Variants in TENM3 observed in about 807,000 individuals in gnomAD.
TENM3 encodes the protein teneurin transmembrane protein 3, also known as teneurin-3.
Under a neutral mutation model 255.1 loss-of-function variants are expected in TENM3, and 63 were observed. The ratio of observed to expected loss-of-function variants is 0.25; its 90% CI spans 0.20 to 0.30. The LOEUF is 0.30. TENM3 is among the 10% of genes least tolerant of loss of function. The pLI is 1.00. For missense variants in TENM3, 2,929 were observed against 3,461.1 expected, an observed-to-expected ratio of 0.85 and a Z score of 3.86; for synonymous variants, 1,306 against 1,322.3, an observed-to-expected ratio of 0.99 and a Z score of 0.27.
At chr4:182,732,077 G>A (rs976519481) in intron 16 of TENM3, among the ~76,000 whole-genome samples, 6 of 151,498 alleles carry the variant, frequency 4.0e-5, no homozygotes, top group East Asian at 3.9e-4. Context: ...CACCGCACCC[G>A]GCCTTTCTAG....
chr4:182,262,024 C>T (rs1384595022), intron 1 of TENM3, among the ~76,000 whole-genome samples: 1 of 152,154 alleles, frequency 6.6e-6, no homozygotes, highest in African/African-American at 2.4e-5. Flanking sequence ...ACCACCTGAT[C>T]TTATGTTGGT....
chr4:181,784,344 C>T, the TENM3 span, among the ~76,000 whole-genome samples: 3 of 151,820 alleles, frequency 2.0e-5, no homozygotes, highest in Admixed American at 6.6e-5. Context: ...CTACTCTCCT[C>T]GATATGCTAT....
At chr4:182,587,220 A>G (rs1746111041) in intron 3 of TENM3, among the ~76,000 whole-genome samples, 1 of 151,926 alleles carries the variant, frequency 6.6e-6, no homozygotes. Flanking sequence ...CCTCCCAAGT[A>G]TTAATAGTTG....
intron 1 of TENM3, among the ~76,000 whole-genome samples, chr4:182,161,782 CACAA>C (rs1561153330): frequency 9.4e-5 from 2 of 21,222 alleles, no homozygotes; most frequent in African/African-American, 2.8e-4. Context: ...TATATATATA[CACAA>C]ATATATGTAT....
chr4:181,917,662 T>TC, the TENM3 span, among the ~76,000 whole-genome samples: 7 of 149,376 alleles, frequency 4.7e-5, no homozygotes, highest in African/African-American at 1.2e-4. Flanking sequence ...TTTTTTTTTT[T>TC]CTTTTTTTTT....
the TENM3 span, among the ~76,000 whole-genome samples, chr4:182,132,686 GTA>G: frequency 1.3e-5 from 2 of 152,168 alleles, no homozygotes; most frequent in Non-Finnish European, 2.9e-5. Flanking sequence ...ACATTGGCGT[GTA>G]TATGTGTTCT....
Position 182,384,757 on chromosome 4 carries a change from C to CT in TENM3, c.511+37835dup, listed in dbSNP as rs576750721. Among the ~76,000 whole-genome samples, 65 of 152,178 alleles carry CT rather than the reference C, an allele frequency of 4.3e-4. No individual in the cohort carries two copies. The South Asian group carries it at 0.01, about 24-fold the overall frequency. On this transcript the variant is annotated intron_variant, in intron 3 of 27. Transcript: ENST00000511685. Reference sequence around the variant, plus strand: ...CTTGCTCCCTCCTCTAATTACTCTTCTTTTTTTCAGACTCCTTTCATGAGT... The same window carrying CT: ...CTTGCTCCCTCCTCTAATTACTCTTCTTTTTTTTCAGACTCCTTTCATGAGT...
intron 3 of TENM3, among the ~76,000 whole-genome samples, chr4:182,348,743 A>C (rs560249517): frequency 1.3e-5 from 2 of 152,304 alleles, no homozygotes; most frequent in South Asian, 4.1e-4. Flanking sequence ...AAAATTATAC[A>C]TCTGCTAAAA....
the TENM3 span, among the ~76,000 whole-genome samples, chr4:181,768,137 A>G: frequency 1.3e-5 from 2 of 152,226 alleles, no homozygotes; most frequent in Admixed American, 6.5e-5. Context: ...GATAAAGGAC[A>G]TGAAGTACAA....
chr4:181,832,791 C>A, the TENM3 span, among the ~76,000 whole-genome samples: 1 of 152,102 alleles, frequency 6.6e-6, no homozygotes, highest in Non-Finnish European at 1.5e-5. Context: ...TTAGCAGGAA[C>A]GGGGTGGCAT....
At chr4:181,910,618 G>A in the TENM3 span, among the ~76,000 whole-genome samples, 43 of 99,238 alleles carry the variant, frequency 4.3e-4, no homozygotes, top group African/African-American at 1.1e-3. Context: ...ATAAATACAC[G>A]TGTGTGTGTG....
chr4:182,290,891 G>T (rs541449752), intron 1 of TENM3, among the ~76,000 whole-genome samples: 62 of 151,792 alleles, frequency 4.1e-4, no homozygotes, highest in Admixed American at 1.2e-3. Flanking sequence ...CACAATCTCT[G>T]TTCACTGCAA....
the TENM3 span, among the ~76,000 whole-genome samples, chr4:181,474,006 A>G: frequency 6.6e-6 from 1 of 151,894 alleles, no homozygotes; most frequent in Admixed American, 6.6e-5. Context: ...TAAAATACAA[A>G]TACATTTTGC....
the TENM3 span, among the ~76,000 whole-genome samples, chr4:181,697,442 G>A: frequency 2.6e-5 from 4 of 152,164 alleles, no homozygotes; most frequent in African/African-American, 7.2e-5. Flanking sequence ...CGCCCAGGCT[G>A]GAGTGCAGTG....
chr4:182,430,422 CTTG>C (rs1030769843), intron 3 of TENM3, among the ~76,000 whole-genome samples: 3 of 152,096 alleles, frequency 2.0e-5, no homozygotes, highest in African/African-American at 4.8e-5. Context: ...GTGGCAGGCA[CTTG>C]TTGTCCCAGC....
At chr4:182,585,872 G>A (rs1367174793) in intron 3 of TENM3, among the ~76,000 whole-genome samples, 1 of 152,192 alleles carries the variant, frequency 6.6e-6, no homozygotes, top group Non-Finnish European at 1.5e-5. Context: ...GAACCTTTAT[G>A]TTGAGAGGAA....
At chr4:182,025,020 A>ATTTTTTTTTTTTTTTTTTTT in the TENM3 span, among the ~76,000 whole-genome samples, 18 of 121,110 alleles carry the variant, frequency 1.5e-4, 1 homozygote, top group African/African-American at 5.0e-4. Context: ...ACAGGATTTC[A>ATTTTTTTTTTTTTTTTTTTT]TTTTTTTTTT....
At chr4:181,749,168 GA>G in the TENM3 span, among the ~76,000 whole-genome samples, 10 of 151,094 alleles carry the variant, frequency 6.6e-5, no homozygotes, top group Non-Finnish European at 1.3e-4. Context: ...TTGTGATTAG[GA>G]AAAAAAATGG....
chr4:182,472,021 G>GA (rs1733172662), intron 3 of TENM3, among the ~76,000 whole-genome samples: 2 of 152,176 alleles, frequency 1.3e-5, no homozygotes, highest in South Asian at 4.1e-4. Flanking sequence ...TACCTAGGGG[G>GA]AAATTTGTTG....
Sources: allele counts gnomAD v4.1 joint callset (sites outside exome capture counted in the v4.1 genomes callset), GRCh38; gene constraint gnomAD v4.1.1; transcripts MANE v1.5; gene names NCBI Gene and HGNC (gene_info 2026-07-23, HGNC 2026-07-21).